PRKN: variants seen among roughly 807,000 people sequenced by gnomAD.
PRKN encodes parkin RBR E3 ubiquitin protein ligase.
PRKN carries 56 observed loss-of-function variants against 59.5 expected under a neutral mutation model. The ratio of observed to expected loss-of-function variants is 0.94; its 90% confidence interval spans 0.76 to 1.18. The LOEUF is 1.18. Ranked by LOEUF, PRKN falls within the 50% of genes most tolerant of loss-of-function variation. The probability of loss-of-function intolerance (pLI) is 0.00; values close to 1 mark genes in which losing one functional copy is unlikely to be tolerated. For missense variants in PRKN, 657 were observed against 596.4 expected, an observed-to-expected ratio of 1.10 and a Z score of -1.06; for synonymous variants, 250 against 222.1, an observed-to-expected ratio of 1.13 and a Z score of -1.12.
chr6:162,245,293 T>C (rs1157749013), intron 3 of PRKN, among the ~76,000 whole-genome samples: 5 of 152,074 alleles, frequency 3.3e-5, no homozygotes, highest in Non-Finnish European at 5.9e-5. Flanking sequence ...TTATGGTTTA[T>C]TGCCCTGTAA....
At chr6:162,225,484 G>C (rs1778131284) in intron 3 of PRKN, among the ~76,000 whole-genome samples, 1 of 152,096 alleles carries the variant, frequency 6.6e-6, no homozygotes, top group Admixed American at 6.6e-5. Context: ...CATCTCTTTG[G>C]TATCTTCAGA....
At chr6:161,750,118 T>TATATATATATATATACACACAC (rs1269147499) in intron 7 of PRKN, among the ~76,000 whole-genome samples, 5 of 137,742 alleles carry the variant, frequency 3.6e-5, no homozygotes, top group African/African-American at 1.3e-4. Flanking sequence ...TATATATATA[T>TATATATATATATATACACACAC]ACACACACAC....
chr6:162,622,312 T>G (rs548688937), intron 1 of PRKN, among the ~76,000 whole-genome samples: 12 of 152,026 alleles, frequency 7.9e-5, no homozygotes, highest in South Asian at 2.1e-4. Flanking sequence ...TGTTTTGTTT[T>G]TTTTTGGTAG....
At chr6:162,133,299 G>C (rs1004717600) in intron 4 of PRKN, among the ~76,000 whole-genome samples, 1 of 152,166 alleles carries the variant, frequency 6.6e-6, no homozygotes, top group Non-Finnish European at 1.5e-5. Context: ...GGTCTAGCTG[G>C]AGGTAGCGTC....
intron 6 of PRKN, among the ~76,000 whole-genome samples, chr6:161,915,020 C>T (rs1032387213): frequency 6.6e-5 from 10 of 152,156 alleles, no homozygotes; most frequent in Admixed American, 1.3e-4. Flanking sequence ...TGCGGTGGCT[C>T]ATGCCTGTAA....
Position 162,586,989 on chromosome 6 carries a change from G to A in PRKN, c.7+140673C>T, listed in dbSNP as rs187699164. Among the ~76,000 whole-genome samples, 436 of 152,256 alleles carry A rather than the reference G, an allele frequency of 2.9e-3. 1 individual carries two copies. Among genetic ancestry groups the A allele is most frequent in the South Asian group, 0.016 (76 of 4,822 alleles). On this transcript the variant is annotated intron_variant, in intron 1 of 11. Coordinates refer to ENST00000366898, the MANE Select transcript of PRKN (RefSeq NM_004562.3). ...TATTAGTCCAATGGTCATGTGAAAGGTAAGCTATATAGTTAAAATCACCAG... is the reference window on the plus strand; with the variant it reads ...TATTAGTCCAATGGTCATGTGAAAGATAAGCTATATAGTTAAAATCACCAG...
At chr6:162,341,593 T>G (rs1256692533) in intron 2 of PRKN, among the ~76,000 whole-genome samples, 1 of 152,170 alleles carries the variant, frequency 6.6e-6, no homozygotes, top group African/African-American at 2.4e-5. Context: ...AAGGATGAGT[T>G]CATGTCCTTT....
At position 161,360,262 on chromosome 6, in the gene PRKN, GT is replaced by G; in HGVS notation, c.1168-58del. On this transcript the variant is annotated intron_variant, in intron 10 of 11. Coordinates refer to ENST00000366898, the MANE Select transcript of PRKN (RefSeq NM_004562.3). The surrounding 1 kb of genome is among the most constrained non-coding windows in gnomAD (Gnocchi z 5.1). ...TCAGCTTTCTATTACTGGGATCAGA[GT>G]TTATGTTCCCTGTACGTCGGTACAG... is the stretch of plus-strand genomic sequence containing the variant. 1 of 1,334,302 alleles carries G rather than the reference GT, an allele frequency of 7.5e-7. No homozygotes were observed. The highest frequency in any genetic ancestry group is 1.1e-6 in the Non-Finnish European group (1 of 924,104). The allele number at this position is 1,334,302 out of a possible 1,614,324, so 82.7% of individuals were successfully genotyped here.
intron 2 of PRKN, among the ~76,000 whole-genome samples, chr6:162,313,723 G>T (rs1199707842): frequency 6.6e-6 from 1 of 151,980 alleles, no homozygotes; most frequent in Non-Finnish European, 1.5e-5. Flanking sequence ...CTGACCTCAG[G>T]TAATCCACCC....
chr6:162,511,652 G>T (rs1305979335), intron 1 of PRKN, among the ~76,000 whole-genome samples: 2 of 151,926 alleles, frequency 1.3e-5, no homozygotes, highest in African/African-American at 4.8e-5. Flanking sequence ...TACTAATAAA[G>T]CCCATGGTCT....
intron 7 of PRKN, among the ~76,000 whole-genome samples, chr6:161,774,668 G>A (rs1789846892): frequency 6.6e-6 from 1 of 152,142 alleles, no homozygotes; most frequent in South Asian, 2.1e-4. Flanking sequence ...ATAACGGAGT[G>A]GAGCAGAGGC....
intron 7 of PRKN, among the ~76,000 whole-genome samples, chr6:161,635,790 T>C (rs1783491364): frequency 6.6e-6 from 1 of 152,160 alleles, no homozygotes; most frequent in African/African-American, 2.4e-5. Context: ...GGGGGATTAA[T>C]GATCAAGGAA....
chr6:161,951,447 G>C (rs1779986908), intron 6 of PRKN, among the ~76,000 whole-genome samples: 1 of 152,184 alleles, frequency 6.6e-6, no homozygotes, highest in African/African-American at 2.4e-5. Context: ...TCTCCAGCAG[G>C]TTGCCCAGGA....
rs377069023 is a variant in PRKN, at chr6:161,552,792, TG to T, written c.934-3790del. Among the ~76,000 whole-genome samples the T allele has an allele frequency of 1.3e-3, 137 of 104,286 alleles. 3 individuals carry two copies. The South Asian group carries it at 0.015, about 11-fold the overall frequency. The allele number at this position is 104,286 out of a possible 152,430, so 68.4% of individuals were successfully genotyped here. ...GACACCATGGTTTTGTTGTTGTTTT[TG>T]TTTTTTGTTTTTTTTTTTTAGACGG... On this transcript the variant is annotated intron_variant, in intron 8 of 11. Coordinates refer to ENST00000366898, the MANE Select transcript of PRKN (RefSeq NM_004562.3). This position sits in a 1 kb window ranked among gnomAD's most constrained non-coding sequence, Gnocchi z 4.9.
chr6:161,498,932 T>C lies in PRKN; in HGVS notation c.1083+49922A>G, dbSNP rs1263666704. Among the ~76,000 whole-genome samples the C allele has an allele frequency of 6.6e-6, 1 of 152,058 alleles. No individual in the cohort carries two copies. Among genetic ancestry groups the C allele is most frequent in the Non-Finnish European group, 1.5e-5 (1 of 68,034 alleles). On this transcript the variant is annotated intron_variant, in intron 9 of 11. Coordinates refer to ENST00000366898, the MANE Select transcript of PRKN (RefSeq NM_004562.3). This position sits in a 1 kb window ranked among gnomAD's most constrained non-coding sequence, Gnocchi z 4.2. ...GTTGAAGAGTGAGATGGGGTGAGTGTGTGTGTATGGGGATGGGGGAGGATT... is the reference window on the plus strand; with the variant it reads ...GTTGAAGAGTGAGATGGGGTGAGTGCGTGTGTATGGGGATGGGGGAGGATT...
intron 7 of PRKN, among the ~76,000 whole-genome samples, chr6:161,703,029 G>GT (rs1483091393): frequency 1.6e-5 from 2 of 128,424 alleles, no homozygotes; most frequent in East Asian, 2.1e-4. Flanking sequence ...AGATTCAACA[G>GT]TAAAAAAAAA....
chr6:162,146,429 A>AATAT (rs1289134699), intron 4 of PRKN, among the ~76,000 whole-genome samples: 3 of 150,152 alleles, frequency 2.0e-5, no homozygotes, highest in African/African-American at 7.4e-5. Context: ...ATGTTTAGTA[A>AATAT]ATATATATAT....
chr6:161,550,738 C>CGTGTGTGTGTGTGTGTGTGCACGTGT lies in PRKN; in HGVS notation c.934-1736_934-1735insACACGTGCACACACACACACACACAC, dbSNP rs1779979267. The stretch of plus-strand genomic sequence containing the variant: ...AAGAAAGGGTATGTGTGTGTGTGCA[C>CGTGTGTGTGTGTGTGTGTGCACGTGT]GTGTGTGTGTGTGTGTGTGTGTGTA... On this transcript the variant is annotated intron_variant, in intron 8 of 11. Coordinates refer to ENST00000366898, the MANE Select transcript of PRKN (RefSeq NM_004562.3). This position sits in a 1 kb window ranked among gnomAD's most constrained non-coding sequence, Gnocchi z 4.0. 6.8e-6 allele frequency among the ~76,000 whole-genome samples: 1 copy of CGTGTGTGTGTGTGTGTGTGCACGTGT among 146,192 alleles called. No homozygotes were observed. Among genetic ancestry groups the CGTGTGTGTGTGTGTGTGTGCACGTGT allele is most frequent in the Non-Finnish European group, 1.5e-5 (1 of 66,762 alleles).
intron 1 of PRKN, among the ~76,000 whole-genome samples, chr6:162,674,296 C>T (rs1030358405): frequency 6.6e-5 from 10 of 152,140 alleles, no homozygotes; most frequent in Admixed American, 5.2e-4. Context: ...CAACATATAA[C>T]AGTGACTCAG....
Sources: gnomAD v4.1 joint callset for allele counts (sites outside exome capture counted in the v4.1 genomes callset) on GRCh38, gnomAD v4.1.1 for gene constraint, Gnocchi (gnomAD v3.1) non-coding constraint, MANE v1.5 for transcripts, NCBI Gene and HGNC (gene_info 2026-07-23, HGNC 2026-07-21) for gene names.